Variants in ADAMTS17 observed in about 807,000 individuals in gnomAD.
The protein encoded by ADAMTS17 is A disintegrin and metalloproteinase with thrombospondin motifs 17.
A neutral mutation model predicts 141.5 loss-of-function variants in ADAMTS17; 113 were observed. The ratio of observed to expected loss-of-function variants is 0.80; its 90% CI spans 0.69 to 0.93. The LOEUF (loss-of-function observed/expected upper bound fraction) is 0.93, where lower values mean the gene tolerates loss of function less well. Ranked by LOEUF, ADAMTS17 falls within the 40% of genes least tolerant of loss-of-function variation. ADAMTS17 has a pLI of 0.00. For missense variants in ADAMTS17, 1,659 were observed against 1,517.9 expected (o/e 1.09, Z -1.54); for synonymous variants, 768 against 630.6 (o/e 1.22, Z -3.27).
chr15:100,108,867 C>T, intron 14 of ADAMTS17, 122 bp downstream of exon 14: 1 of 1,546,956 alleles, frequency 6.5e-7, no homozygotes, highest in South Asian at 1.1e-5. Context: ...TCACTGGGTG[C>T]CTTCCTAAGA....
rs117810634 is a variant in ADAMTS17, at chr15:100,179,170, C to G, written c.1181+20148G>C. Among the ~76,000 whole-genome samples, 826 of 152,160 alleles carry G rather than the reference C, an allele frequency of 5.4e-3. 3 individuals carry two copies. Among genetic ancestry groups the G allele is most frequent in the Admixed American group, 0.011 (165 of 15,284 alleles). Reference sequence around the variant, plus strand: ...GTGGAACCAAATACTAGGTCTTATTCATTCCTTCTAACTAGTTTTTGTACC... The same window carrying G: ...GTGGAACCAAATACTAGGTCTTATTGATTCCTTCTAACTAGTTTTTGTACC... On this transcript the variant is annotated intron_variant, in intron 8 of 21. Transcript: ENST00000268070.
At chr15:100,157,651 G>C (rs1273633367) in intron 8 of ADAMTS17, among the ~76,000 whole-genome samples, 4 of 152,010 alleles carry the variant, frequency 2.6e-5, no homozygotes, top group African/African-American at 9.7e-5. Flanking sequence ...TTTATTGAAC[G>C]AATTATCTGT....
intron 8 of ADAMTS17, among the ~76,000 whole-genome samples, chr15:100,198,701 G>A (rs770747423): frequency 6.6e-6 from 1 of 152,168 alleles, no homozygotes; most frequent in Non-Finnish European, 1.5e-5. Context: ...GCTTCCTACA[G>A]ATGGTCACAA....
At chr15:100,078,746 G>A (rs1249145287) in intron 15 of ADAMTS17, among the ~76,000 whole-genome samples, 1 of 152,152 alleles carries the variant, frequency 6.6e-6, no homozygotes, top group Non-Finnish European at 1.5e-5. Context: ...GAAAACCTGT[G>A]TTTCAAAAGA....
chr15:100,243,744 C>T (rs1316598929), intron 7 of ADAMTS17, among the ~76,000 whole-genome samples: 2 of 149,050 alleles, frequency 1.3e-5, no homozygotes, highest in East Asian at 2.0e-4. Context: ...GAGCGGAGAT[C>T]CTGCCACTGC....
intron 6 of ADAMTS17, among the ~76,000 whole-genome samples, chr15:100,259,264 G>A (rs1477027568): frequency 6.6e-6 from 1 of 152,174 alleles, no homozygotes; most frequent in Non-Finnish European, 1.5e-5. Flanking sequence ...TTATGATCAT[G>A]CACAGACACG....
intron 18 of ADAMTS17, among the ~76,000 whole-genome samples, chr15:100,024,760 C>T (rs1171063582): frequency 1.3e-5 from 2 of 152,212 alleles, no homozygotes; most frequent in Non-Finnish European, 2.9e-5. Flanking sequence ...TTCAGCTGTT[C>T]CTTAAGAGGC....
chr15:100,188,577 T>A (rs1452705346), intron 8 of ADAMTS17, among the ~76,000 whole-genome samples: 1 of 152,220 alleles, frequency 6.6e-6, no homozygotes, highest in Admixed American at 6.5e-5. Context: ...TACAAGTTTG[T>A]AAATATCCAA....
At chr15:100,100,960 G>A (rs1051853210) in intron 14 of ADAMTS17, among the ~76,000 whole-genome samples, 17 of 151,392 alleles carry the variant, frequency 1.1e-4, no homozygotes, top group African/African-American at 3.7e-4. Flanking sequence ...CCCTCAGCCA[G>A]GTGGGCAACC....
intron 8 of ADAMTS17, among the ~76,000 whole-genome samples, chr15:100,193,624 G>A (rs765795689): frequency 6.6e-6 from 1 of 152,160 alleles, no homozygotes; most frequent in Non-Finnish European, 1.5e-5. Flanking sequence ...GAGAGTGAGC[G>A]CATCGGTCAA....
intron 18 of ADAMTS17, among the ~76,000 whole-genome samples, chr15:100,029,466 A>T (rs1415654680): frequency 6.6e-6 from 1 of 152,138 alleles, no homozygotes; most frequent in Non-Finnish European, 1.5e-5. Context: ...AGAGAGGAGA[A>T]ATGGGGAGTG....
At chr15:100,254,081 A>G (rs772589021) in intron 7 of ADAMTS17, 55 bp downstream of exon 7, 3 of 1,553,368 alleles carry the variant, frequency 1.9e-6, no homozygotes, top group Admixed American at 1.7e-5. Context: ...GGAAGTCTCC[A>G]GATTCTCCCA....
intron 18 of ADAMTS17, among the ~76,000 whole-genome samples, chr15:100,012,605 C>G (rs1323347025): frequency 6.6e-6 from 1 of 152,216 alleles, no homozygotes; most frequent in Non-Finnish European, 1.5e-5. Context: ...CTACATGTGT[C>G]TAGCCAATTA....
At chr15:100,000,225 T>C (rs1323777103) in intron 18 of ADAMTS17, among the ~76,000 whole-genome samples, 2 of 152,204 alleles carry the variant, frequency 1.3e-5, no homozygotes, top group Non-Finnish European at 1.5e-5. Flanking sequence ...ACGAAGAGAA[T>C]TGAGCTAAAT....
At chr15:100,261,661 G>C (rs771263897) in intron 5 of ADAMTS17, 25 bp from the exon 6 acceptor site, 10 of 1,610,268 alleles carry the variant, frequency 6.2e-6, no homozygotes, top group Non-Finnish European at 7.6e-6. Context: ...AGGACAGTTA[G>C]AGAAACAAAC....
At chr15:100,156,599 G>A (rs890092818) in intron 8 of ADAMTS17, among the ~76,000 whole-genome samples, 1 of 152,214 alleles carries the variant, frequency 6.6e-6, no homozygotes. Flanking sequence ...AGTGACACTT[G>A]TTATTTCAAT....
intron 12 of ADAMTS17, among the ~76,000 whole-genome samples, chr15:100,120,648 A>G (rs1414691215): frequency 6.6e-6 from 1 of 152,244 alleles, no homozygotes; most frequent in Non-Finnish European, 1.5e-5. Context: ...AGGTTCAAAA[A>G]AGACCTGATA....
At chr15:100,247,032 C>T (rs1180760079) in intron 7 of ADAMTS17, among the ~76,000 whole-genome samples, 1 of 152,092 alleles carries the variant, frequency 6.6e-6, no homozygotes, top group Non-Finnish European at 1.5e-5. Flanking sequence ...TACAGACACC[C>T]ACCACCACAC....
At chr15:100,079,233 T>A (rs2034575470) in intron 15 of ADAMTS17, among the ~76,000 whole-genome samples, 1 of 152,204 alleles carries the variant, frequency 6.6e-6, no homozygotes, top group Non-Finnish European at 1.5e-5. Context: ...CATGTCCACA[T>A]GGTAACTCGT....
Sources: allele counts gnomAD v4.1 joint callset (sites outside exome capture counted in the v4.1 genomes callset), GRCh38; gene constraint gnomAD v4.1.1; transcripts MANE v1.5; gene names NCBI Gene and HGNC (gene_info 2026-07-23, HGNC 2026-07-21).